TCEA1: variants seen among roughly 807,000 people sequenced by gnomAD.
TCEA1 encodes transcription elongation factor A1.
In TCEA1, 21 loss-of-function variants were observed where a neutral mutation model predicts 43.8. That is an observed-to-expected ratio of 0.48 (90% CI 0.34 to 0.69). TCEA1 has a LOEUF of 0.69. TCEA1 is among the 30% of genes least tolerant of loss of function. TCEA1 has a pLI of 0.01. For synonymous variants in TCEA1, 104 were observed against 117.5 expected (o/e 0.88, Z 0.75); for missense variants, 250 against 365.1 (o/e 0.68, Z 2.57).
chr8:53,995,972 T>C (rs1804040162), intron 3 of TCEA1, among the ~76,000 whole-genome samples: 1 of 152,324 alleles, frequency 6.6e-6, no homozygotes, highest in Admixed American at 6.5e-5. Context: ...AAGGCTCAAA[T>C]CCCAAAGATG....
intron 1 of TCEA1, chr8:54,021,860 G>C: frequency 2.4e-6 from 1 of 416,218 alleles, no homozygotes; most frequent in Non-Finnish European, 4.2e-6. Context: ...GGAAATACAA[G>C]AGCGAGCGGG....
At chr8:54,021,977 G>A in intron 1 of TCEA1, 86 bp downstream of exon 1, 1 of 1,268,722 alleles carries the variant, frequency 7.9e-7, no homozygotes, top group Non-Finnish European at 1.0e-6. Flanking sequence ...CAGGGGGAGG[G>A]GAGGGAGAAG....
At chr8:54,022,015 G>A (rs765165040) in intron 1 of TCEA1, 48 bp downstream of exon 1, 3 of 1,546,260 alleles carry the variant, frequency 1.9e-6, no homozygotes, top group Non-Finnish European at 2.6e-6. Context: ...CCTCGGGCCG[G>A]ACCGCGGCCC....
chr8:53,979,082 G>A lies in TCEA1; in HGVS notation c.768C>T (p.Thr256=). Residue 256 remains threonine (T), a synonymous_variant, in exon 8 of 10, where the codon ACC becomes ACT. Transcript: ENST00000521604. ...TGCCACATGTGAACAAGTCAGTCTG[G>A]GTCCCACCAGTCTTGGCCATCTGAT... ...REHQMAKTGG[T]QTDLFTCGKC... 2 of 1,613,522 alleles carry A rather than the reference G, an allele frequency of 1.2e-6. No individual in the cohort carries two copies. Among genetic ancestry groups the A allele is most frequent in the East Asian group, 4.5e-5 (2 of 44,878 alleles).
intron 2 of TCEA1, among the ~76,000 whole-genome samples, chr8:54,005,377 G>C (rs1804406911): frequency 6.6e-6 from 1 of 152,116 alleles, no homozygotes; most frequent in South Asian, 2.1e-4. Context: ...TCACTGCAAA[G>C]TCATACTTGA....
At chr8:53,993,127 A>ATTTT (rs11306062) in intron 4 of TCEA1, among the ~76,000 whole-genome samples, 7 of 84,160 alleles carry the variant, frequency 8.3e-5, no homozygotes, top group Non-Finnish European at 1.1e-4. Flanking sequence ...TACATGGCTA[A>ATTTT]TTTTTTTTTT....
chr8:54,022,053 C>A lies in TCEA1; in HGVS notation c.63+10G>T, dbSNP rs1283172865. 1.3e-6 allele frequency: 2 copies of A among 1,575,080 alleles called. No homozygotes were observed. The highest frequency in any genetic ancestry group is 2.3e-5 in the South Asian group (2 of 87,960). On this transcript the variant is annotated intron_variant, in intron 1 of 9. Coordinates refer to ENST00000521604, the MANE Select transcript of TCEA1 (RefSeq NM_006756.4). Reference sequence around the variant, plus strand: ...CCTCCCTCCCGGCCCGCGCCGCTCGCCGCGCTCACCGCGTTCTTCTTCTGC... The same window carrying A: ...CCTCCCTCCCGGCCCGCGCCGCTCGACGCGCTCACCGCGTTCTTCTTCTGC...
intron 3 of TCEA1, among the ~76,000 whole-genome samples, chr8:53,997,623 C>T (rs565538204): frequency 2.0e-5 from 3 of 152,214 alleles, no homozygotes; most frequent in Non-Finnish European, 2.9e-5. Context: ...AGGGGCCAAG[C>T]GCGATGGCTC....
intron 8 of TCEA1, among the ~76,000 whole-genome samples, chr8:53,976,167 CG>C (rs1279043762): frequency 6.6e-6 from 1 of 151,986 alleles, no homozygotes; most frequent in Non-Finnish European, 1.5e-5. Context: ...ACTGAAATTC[CG>C]TAAGAGATGA....
At chr8:54,022,029 C>T in intron 1 of TCEA1, 34 bp downstream of exon 1, 1 of 1,558,452 alleles carries the variant, frequency 6.4e-7, no homozygotes, top group Non-Finnish European at 8.7e-7. Flanking sequence ...GCGGCCCGGC[C>T]TCCCTCCCGG....
At chr8:54,021,884 T>A in intron 1 of TCEA1, 179 bp downstream of exon 1, 1 of 454,742 alleles carries the variant, frequency 2.2e-6, no homozygotes, top group Non-Finnish European at 3.7e-6. Context: ...TAACGCAGGT[T>A]GCCGCGGGAC....
chr8:54,021,114 G>C (rs1002355470), intron 1 of TCEA1, among the ~76,000 whole-genome samples: 1 of 152,118 alleles, frequency 6.6e-6, no homozygotes, highest in African/African-American at 2.4e-5. Context: ...ACTTGAACCC[G>C]AGAGGCGGAG....
chr8:53,990,281 C>T (rs1450908221), intron 4 of TCEA1, among the ~76,000 whole-genome samples: 1 of 151,646 alleles, frequency 6.6e-6, no homozygotes, highest in Non-Finnish European at 1.5e-5. Flanking sequence ...TCTCAAACTC[C>T]TGACCTCAAG....
chr8:53,976,777 T>C (rs984431188), intron 8 of TCEA1, among the ~76,000 whole-genome samples: 17 of 152,154 alleles, frequency 1.1e-4, no homozygotes, highest in Admixed American at 7.2e-4. Context: ...TAAAAGAAAA[T>C]AGAGCAATTC....
In TCEA1 at chr8:54,022,187, C is replaced by T; in HGVS notation, c.-62G>A. 1 of 1,552,008 alleles carries T rather than the reference C, an allele frequency of 6.4e-7. No homozygotes were observed. The highest frequency in any genetic ancestry group is 8.8e-7 in the Non-Finnish European group (1 of 1,131,382). Reference sequence around the variant, plus strand: ...CAAGGGGAAGTGGGCGAAGCTGGAGCGGAAGACACAGCAGGAGCGACCCCC... The same window carrying T: ...CAAGGGGAAGTGGGCGAAGCTGGAGTGGAAGACACAGCAGGAGCGACCCCC... On this transcript the variant is annotated 5_prime_UTR_variant, in exon 1 of 10. Transcript: ENST00000521604.
intron 1 of TCEA1, among the ~76,000 whole-genome samples, chr8:54,018,579 C>T (rs1213974074): frequency 2.0e-5 from 3 of 152,174 alleles, no homozygotes; most frequent in Non-Finnish European, 4.4e-5. Context: ...AGGATTTGAA[C>T]CCACATTAGC....
At chr8:53,978,838 A>G (rs1563469502) in intron 8 of TCEA1, 187 bp downstream of exon 8, 1 of 535,136 alleles carries the variant, frequency 1.9e-6, no homozygotes, top group South Asian at 4.1e-5. Context: ...TATGTATCGG[A>G]AAAAACGTGG....
intron 4 of TCEA1, among the ~76,000 whole-genome samples, chr8:53,992,703 G>A (rs1353864710): frequency 7.2e-5 from 11 of 152,128 alleles, no homozygotes; most frequent in Admixed American, 7.2e-4. Flanking sequence ...AAGCTGTCAG[G>A]TTCTCTCCTC....
intron 3 of TCEA1, among the ~76,000 whole-genome samples, chr8:53,996,855 C>T (rs549264511): frequency 2.4e-5 from 3 of 124,528 alleles, no homozygotes; most frequent in African/African-American, 1.2e-4. Flanking sequence ...AAGGAACCTG[C>T]GAGTCTACAC....
Sources: allele counts gnomAD v4.1 joint callset (sites outside exome capture counted in the v4.1 genomes callset), GRCh38; gene constraint gnomAD v4.1.1; transcripts MANE v1.5; gene names NCBI Gene and HGNC (gene_info 2026-07-23, HGNC 2026-07-21).